PCLO: variants seen among roughly 807,000 people sequenced by gnomAD.
PCLO encodes the protein protein piccolo.
A neutral mutation model predicts 427.5 loss-of-function variants in PCLO; 82 were observed. That is an observed-to-expected ratio of 0.19 (90% CI 0.16 to 0.23). The LOEUF (loss-of-function observed/expected upper bound fraction) is 0.23. PCLO is among the 10% of genes least tolerant of loss of function. PCLO has a pLI of 1.00. For missense variants in PCLO, 6,239 were observed against 6,115.9 expected (o/e 1.02, Z -0.67); for synonymous variants, 2,357 against 2,155.4 (o/e 1.09, Z -2.59).
intron 1 of PCLO, among the ~76,000 whole-genome samples, chr7:83,157,754 A>G (rs1792336920): frequency 6.6e-6 from 1 of 151,956 alleles, no homozygotes; most frequent in Non-Finnish European, 1.5e-5. Context: ...TCATATTATA[A>G]GTATTTTATT....
chr7:82,786,025 AGAT>A (rs1790976874), intron 22 of PCLO, among the ~76,000 whole-genome samples: 1 of 152,316 alleles, frequency 6.6e-6, no homozygotes, highest in Admixed American at 6.5e-5. Context: ...AGAGATGTGA[AGAT>A]GATGATAATT....
chr7:82,869,201 C>T (rs1231685551), intron 10 of PCLO, among the ~76,000 whole-genome samples: 2 of 151,946 alleles, frequency 1.3e-5, no homozygotes, highest in Admixed American at 6.6e-5. Context: ...TCTACTCTAC[C>T]TTTTCTGGAG....
At chr7:82,976,007 T>C (rs758680901) in intron 3 of PCLO, among the ~76,000 whole-genome samples, 1 of 152,218 alleles carries the variant, frequency 6.6e-6, no homozygotes, top group Non-Finnish European at 1.5e-5. Context: ...CAGGCAGTTC[T>C]TCATAGCAGT....
intron 10 of PCLO, among the ~76,000 whole-genome samples, chr7:82,874,906 A>G (rs1793333359): frequency 6.6e-6 from 1 of 152,204 alleles, no homozygotes; most frequent in African/African-American, 2.4e-5. Flanking sequence ...AACATCTCAC[A>G]GCCTCAACAC....
chr7:82,871,149 C>A (rs1353767498), intron 10 of PCLO, among the ~76,000 whole-genome samples: 1 of 151,906 alleles, frequency 6.6e-6, no homozygotes, highest in Non-Finnish European at 1.5e-5. Context: ...AGAAGAGATA[C>A]CTGCACTCCC....
chr7:82,923,072 T>C (rs1437545171), intron 6 of PCLO, among the ~76,000 whole-genome samples: 1 of 152,028 alleles, frequency 6.6e-6, no homozygotes, highest in African/African-American at 2.4e-5. Context: ...TGATACATAC[T>C]CCTTAAGAGG....
intron 3 of PCLO, among the ~76,000 whole-genome samples, chr7:83,004,523 T>C: frequency 6.6e-6 from 1 of 151,640 alleles, no homozygotes; most frequent in Admixed American, 6.6e-5. Context: ...TCAAGATGGA[T>C]TAAAGACTTA....
At chr7:83,138,448 G>T (rs1487114588) in intron 2 of PCLO, among the ~76,000 whole-genome samples, 1 of 152,108 alleles carries the variant, frequency 6.6e-6, no homozygotes, top group Non-Finnish European at 1.5e-5. Context: ...ATCTCCTGAG[G>T]TCAGGAGTTC....
At chr7:83,013,095 T>C (rs1788124783) in intron 3 of PCLO, among the ~76,000 whole-genome samples, 1 of 152,086 alleles carries the variant, frequency 6.6e-6, no homozygotes, top group African/African-American at 2.4e-5. Flanking sequence ...CATATACATA[T>C]ATACATATAT....
At chr7:82,775,434 T>C (rs1790729421) in intron 22 of PCLO, among the ~76,000 whole-genome samples, 1 of 152,202 alleles carries the variant, frequency 6.6e-6, no homozygotes, top group South Asian at 2.1e-4. Context: ...GGTCATCTAA[T>C]GGGTGTGTAG....
At chr7:83,059,665 G>T (rs1432715303) in intron 3 of PCLO, among the ~76,000 whole-genome samples, 2 of 152,024 alleles carry the variant, frequency 1.3e-5, no homozygotes, top group South Asian at 2.1e-4. Flanking sequence ...CAAATCATGG[G>T]ATCCATTCAG....
intron 20 of PCLO, chr7:82,822,138 T>C: frequency 9.5e-7 from 1 of 1,056,286 alleles, no homozygotes; most frequent in South Asian, 3.1e-5. Context: ...TGGCAGCCAC[T>C]TGTGCTTATA....
chr7:83,141,389 C>T (rs1210607783), intron 2 of PCLO, among the ~76,000 whole-genome samples: 1 of 152,220 alleles, frequency 6.6e-6, no homozygotes, highest in Non-Finnish European at 1.5e-5. Context: ...GCCTTACTTA[C>T]AGAAGGTGCA....
intron 21 of PCLO, 47 bp downstream of exon 21, chr7:82,805,641 T>C: frequency 1.3e-6 from 2 of 1,583,248 alleles, no homozygotes; most frequent in Non-Finnish European, 8.6e-7. Flanking sequence ...AATGCCTTAC[T>C]CATGATGCTG....
At chr7:83,053,386 T>C (rs79290615) in intron 3 of PCLO, among the ~76,000 whole-genome samples, 132 of 152,044 alleles carry the variant, frequency 8.7e-4, no homozygotes, top group African/African-American at 3.0e-3. Flanking sequence ...GAATCAACAA[T>C]TACACAGAAT....
intron 3 of PCLO, among the ~76,000 whole-genome samples, chr7:83,059,737 C>T (rs1377741644): frequency 6.6e-6 from 1 of 152,022 alleles, no homozygotes; most frequent in African/African-American, 2.4e-5. Context: ...GGAAATCTTG[C>T]AGGGAGGTCA....
chr7:82,788,793 A>G (rs1013652052), intron 22 of PCLO, among the ~76,000 whole-genome samples: 1 of 151,886 alleles, frequency 6.6e-6, no homozygotes, highest in African/African-American at 2.4e-5. Flanking sequence ...TAAGTAACAT[A>G]AAATTGTGTA....
At chr7:83,077,183 T>C (rs1395519432) in intron 3 of PCLO, among the ~76,000 whole-genome samples, 2 of 152,128 alleles carry the variant, frequency 1.3e-5, no homozygotes, top group Non-Finnish European at 2.9e-5. Context: ...GAAGTGGTAT[T>C]TGCTACCTCA....
intron 22 of PCLO, among the ~76,000 whole-genome samples, chr7:82,796,124 C>G (rs1350557854): frequency 6.6e-6 from 1 of 152,124 alleles, no homozygotes; most frequent in Non-Finnish European, 1.5e-5. Context: ...AAATTTAATT[C>G]ATTTAACTTT....
Sources: allele counts gnomAD v4.1 joint callset (sites outside exome capture counted in the v4.1 genomes callset), GRCh38; gene constraint gnomAD v4.1.1; transcripts MANE v1.5; gene names NCBI Gene and HGNC (gene_info 2026-07-23, HGNC 2026-07-21).